DLC1: variants seen among roughly 807,000 people sequenced by gnomAD.
DLC1 encodes the protein rho GTPase-activating protein 7.
In DLC1, 54 loss-of-function variants were observed where a neutral mutation model predicts 140.3. That is an observed-to-expected ratio of 0.38 (90% CI 0.31 to 0.48). DLC1 has a LOEUF of 0.48. Ranked by LOEUF, DLC1 falls within the 20% of genes least tolerant of loss-of-function variation. DLC1 has a pLI of 0.96. For missense variants in DLC1, 2,536 were observed against 1,907.0 expected (o/e 1.33, Z -6.14); for synonymous variants, 986 against 728.1 (o/e 1.35, Z -5.70).
At chr8:13,212,781 C>CAAA (rs1022314884) in intron 5 of DLC1, among the ~76,000 whole-genome samples, 134 of 152,190 alleles carry the variant, frequency 8.8e-4, no homozygotes, top group African/African-American at 2.8e-3. Flanking sequence ...ATATGTAAAG[C>CAAA]ATTTTCAATA....
At chr8:13,476,642 T>TTA (rs1202874211) in intron 2 of DLC1, among the ~76,000 whole-genome samples, 1 of 152,116 alleles carries the variant, frequency 6.6e-6, no homozygotes, top group Non-Finnish European at 1.5e-5. Context: ...TGCCATAAGA[T>TTA]GTTAGAGTTA....
At chr8:13,258,337 C>T (rs34759891) in intron 5 of DLC1, among the ~76,000 whole-genome samples, 19,736 of 152,206 alleles carry the variant, frequency 0.13, 1,347 homozygotes, top group South Asian at 0.24. Flanking sequence ...CAGAGAAGTA[C>T]AGGAAAGTAA....
chr8:13,143,467 T>A (rs935232790), intron 5 of DLC1, among the ~76,000 whole-genome samples: 1 of 152,178 alleles, frequency 6.6e-6, no homozygotes, highest in Non-Finnish European at 1.5e-5. Context: ...AGTGAGTTTT[T>A]CTTTTTGAGA....
intron 5 of DLC1, among the ~76,000 whole-genome samples, chr8:13,293,483 C>T (rs1328637494): frequency 6.6e-6 from 1 of 152,058 alleles, no homozygotes; most frequent in African/African-American, 2.4e-5. Context: ...CATGGATAGA[C>T]CTGAGATTAG....
intron 5 of DLC1, among the ~76,000 whole-genome samples, chr8:13,269,633 G>A (rs1425601555): frequency 7.3e-6 from 1 of 136,970 alleles, no homozygotes; most frequent in African/African-American, 2.8e-5. Flanking sequence ...GAGTTCAGGA[G>A]TTCAAGGCTG....
chr8:13,275,810 GAC>G (rs750525320), intron 5 of DLC1, among the ~76,000 whole-genome samples: 20 of 152,232 alleles, frequency 1.3e-4, no homozygotes, highest in Non-Finnish European at 2.9e-4. Flanking sequence ...TCACTCCACT[GAC>G]ACACAGACCT....
At chr8:13,577,059 G>A (rs10113736) in intron 1 of DLC1, among the ~76,000 whole-genome samples, 150,237 of 152,236 alleles carry the variant, frequency 0.99, 74,177 homozygotes, top group East Asian at 1. Context: ...TTCACAGGTG[G>A]GACGATGGCG....
intron 5 of DLC1, among the ~76,000 whole-genome samples, chr8:13,262,527 CTA>C (rs1830507009): frequency 6.6e-6 from 1 of 152,054 alleles, no homozygotes; most frequent in East Asian, 1.9e-4. Flanking sequence ...TGCCAGGAAA[CTA>C]TGTGGAGTTG....
chr8:13,414,092 G>T (rs758236303), intron 2 of DLC1, among the ~76,000 whole-genome samples: 2 of 151,838 alleles, frequency 1.3e-5, no homozygotes, highest in African/African-American at 2.4e-5. Context: ...ACACGAAAAA[G>T]CTCCCCAGGA....
intron 2 of DLC1, among the ~76,000 whole-genome samples, chr8:13,431,482 C>CAAAAAAAAAAAAAAA (rs56057254): frequency 2.0e-4 from 8 of 40,608 alleles, no homozygotes; most frequent in South Asian, 1.5e-3. Flanking sequence ...GACTCCGTCT[C>CAAAAAAAAAAAAAAA]AAAAAAAAAA....
At chr8:13,551,959 G>T (rs1355237293) in intron 1 of DLC1, among the ~76,000 whole-genome samples, 1 of 144,074 alleles carries the variant, frequency 6.9e-6, no homozygotes. Flanking sequence ...CTCTAGACAG[G>T]TGTATATGTA....
chr8:13,373,287 A>C (rs1465160037), intron 4 of DLC1, among the ~76,000 whole-genome samples: 1 of 152,178 alleles, frequency 6.6e-6, no homozygotes, highest in South Asian at 2.1e-4. Flanking sequence ...TGAATACAAA[A>C]GTGTGCTGTG....
chr8:13,160,415 C>T (rs1824600792), intron 5 of DLC1: 1 of 152,208 alleles, frequency 6.6e-6, no homozygotes, highest in Non-Finnish European at 1.5e-5. Flanking sequence ...ATTCCAGTAC[C>T]TGTTCCAGCT....
chr8:13,309,813 A>C (rs1161437627), intron 4 of DLC1, among the ~76,000 whole-genome samples: 1 of 152,190 alleles, frequency 6.6e-6, no homozygotes, highest in Non-Finnish European at 1.5e-5. Context: ...TCATATCTGA[A>C]TCCATGACAA....
intron 2 of DLC1, among the ~76,000 whole-genome samples, chr8:13,416,421 T>C (rs1838061384): frequency 6.6e-6 from 1 of 152,054 alleles, no homozygotes; most frequent in African/African-American, 2.4e-5. Context: ...ATATAAAAGA[T>C]ATATATACAA....
intron 5 of DLC1, among the ~76,000 whole-genome samples, chr8:13,241,689 G>T (rs535521253): frequency 1.3e-5 from 2 of 152,272 alleles, no homozygotes; most frequent in African/African-American, 4.8e-5. Context: ...AAAGGATGCC[G>T]GTTGAGAATG....
At chr8:13,526,421 G>C (rs1490784467) in intron 1 of DLC1, among the ~76,000 whole-genome samples, 3 of 152,056 alleles carry the variant, frequency 2.0e-5, no homozygotes, top group Non-Finnish European at 2.9e-5. Flanking sequence ...ATAATATTGA[G>C]TCTTCTATTC....
intron 5 of DLC1, among the ~76,000 whole-genome samples, chr8:13,186,648 C>G (rs1047812490): frequency 6.6e-5 from 10 of 152,218 alleles, no homozygotes; most frequent in African/African-American, 2.4e-4. Context: ...AAGCCTACTT[C>G]TGTCAACTCA....
chr8:13,163,851 C>G (rs990746911), intron 5 of DLC1, among the ~76,000 whole-genome samples: 1 of 152,022 alleles, frequency 6.6e-6, no homozygotes, highest in East Asian at 1.9e-4. Context: ...ACAGAATAAC[C>G]CCAAAATTAG....
Sources: gnomAD v4.1 joint callset for allele counts (sites outside exome capture counted in the v4.1 genomes callset) on GRCh38, gnomAD v4.1.1 for gene constraint, MANE v1.5 for transcripts, NCBI Gene and HGNC (gene_info 2026-07-23, HGNC 2026-07-21) for gene names.